Variants in AFG3L2 observed in about 807,000 individuals in gnomAD.
AFG3L2 encodes the protein AFG3 like matrix AAA peptidase subunit 2, also known as mitochondrial inner membrane m-AAA protease component AFG3L2.
In AFG3L2, 54 loss-of-function variants were observed where a neutral mutation model predicts 94.5. The ratio of observed to expected loss-of-function variants is 0.57; its 90% confidence interval spans 0.46 to 0.72. The LOEUF is 0.72. Among genes scored for constraint, AFG3L2 ranks in the 30% least tolerant of loss-of-function variants. AFG3L2 has a pLI of 0.00. For missense variants in AFG3L2, 754 were observed against 994.9 expected (o/e 0.76, Z 3.26); for synonymous variants, 377 against 365.5 (o/e 1.03, Z -0.36).
chr18:12,332,839 C>T (rs1443642863), intron 16 of AFG3L2, among the ~76,000 whole-genome samples: 1 of 98,716 alleles, frequency 1.0e-5, no homozygotes, highest in Non-Finnish European at 2.4e-5. Flanking sequence ...TGCTTATACA[C>T]ACACACACAC....
intron 15 of AFG3L2, among the ~76,000 whole-genome samples, chr18:12,338,936 TAA>T (rs1358567256): frequency 1.3e-5 from 2 of 152,096 alleles, no homozygotes; most frequent in Non-Finnish European, 2.9e-5. Context: ...CAGCCTGAAA[TAA>T]ACTTTAAATA....
At chr18:12,342,143 G>A (rs1907972684) in intron 14 of AFG3L2, 2 of 152,318 alleles carry the variant, frequency 1.3e-5, no homozygotes, top group South Asian at 2.1e-4. Flanking sequence ...TGGGATTACA[G>A]GCATGAGCCA....
At chr18:12,376,861 C>G in intron 1 of AFG3L2, 108 bp downstream of exon 1, 1 of 871,018 alleles carries the variant, frequency 1.1e-6, no homozygotes, top group Non-Finnish European at 1.6e-6. Context: ...CAGGGACGGC[C>G]CGCGTGCGGC....
chr18:12,344,178 T>C lies in AFG3L2; in HGVS notation c.1733A>G (p.His578Arg), dbSNP rs1908048276. ...CTCCAGATACCAGCCGGCAACCGCA[T>C]GGCCTGCTTCGTGGTATGCCACAGT... ...KKTVAYHEAG[H>R]AVAGWYLEHA... Residue 578 changes from histidine (H) to arginine (R), a missense_variant, in exon 14 of 17, where the codon CAT becomes CGT. His to Arg is a conservative substitution (Grantham distance 29, BLOSUM62 0). Coordinates refer to ENST00000269143, the MANE Select transcript of AFG3L2 (RefSeq NM_006796.3). 2 of 1,613,988 alleles carry C rather than the reference T, an allele frequency of 1.2e-6. No individual in the cohort carries two copies. The highest frequency in any genetic ancestry group is 1.7e-6 in the Non-Finnish European group (2 of 1,180,044).
rs773542472 is a variant in AFG3L2, at chr18:12,351,421, A to G, written c.1319-8T>C. On this transcript the variant is annotated splice_polypyrimidine_tract_variant and splice_region_variant and intron_variant, in intron 10 of 16. Transcript: ENST00000269143. ...TTGTTGTTGTATTAAAACCTGAAAG[A>G]TAACAAAAATGCAAACACTATTAAA... The G allele has an allele frequency of 2.6e-5, 42 of 1,613,106 alleles. No individual in the cohort carries two copies. The highest frequency in any genetic ancestry group is 7.7e-5 in the South Asian group (7 of 91,054).
intron 12 of AFG3L2, among the ~76,000 whole-genome samples, chr18:12,349,248 TAAA>T (rs137884984): frequency 0.014 from 2,179 of 152,186 alleles, 27 homozygotes; most frequent in Middle Eastern, 0.024. Context: ...ATGGCTGTAA[TAAA>T]AAGACAGTGA....
intron 16 of AFG3L2, among the ~76,000 whole-genome samples, chr18:12,330,348 T>C (rs1391141657): frequency 7.9e-6 from 1 of 126,834 alleles, no homozygotes; most frequent in African/African-American, 2.8e-5. Flanking sequence ...CAAAAAAAAA[T>C]AGGAGGAGGC....
At chr18:12,368,254 G>A (rs572842427) in intron 3 of AFG3L2, among the ~76,000 whole-genome samples, 8 of 152,192 alleles carry the variant, frequency 5.3e-5, no homozygotes, top group Non-Finnish European at 1.0e-4. Flanking sequence ...AGCTACACAG[G>A]AGGCTGAGGC....
chr18:12,328,953 A>C lies in AFG3L2; in HGVS notation c.*612T>G, dbSNP rs974112845. On this transcript the variant is annotated 3_prime_UTR_variant, in exon 17 of 17. Transcript: ENST00000269143. Reference sequence around the variant, plus strand: ...AAATAGGGACCCTATGTGTGTTCAGAAAAGTACAGTGTTGACATTTTATTT... The same window carrying C: ...AAATAGGGACCCTATGTGTGTTCAGCAAAGTACAGTGTTGACATTTTATTT... 7.3e-6 allele frequency: 4 copies of C among 545,356 alleles called. No individual in the cohort carries two copies. The highest frequency in any genetic ancestry group is 1.3e-5 in the Non-Finnish European group (4 of 306,892). The allele number at this position is 545,356 out of a possible 1,614,324, so 33.8% of individuals were successfully genotyped here. A position where few individuals can be genotyped will look rare whatever the true frequency, so the allele number is the denominator to read the frequency against.
At chr18:12,356,420 G>C (rs1372061680) in intron 9 of AFG3L2, among the ~76,000 whole-genome samples, 1 of 152,200 alleles carries the variant, frequency 6.6e-6, no homozygotes, top group Non-Finnish European at 1.5e-5. Context: ...CCAAAGTGCT[G>C]GAATTACAGG....
chr18:12,349,722 C>T (rs1050047703), intron 12 of AFG3L2, among the ~76,000 whole-genome samples: 4 of 151,952 alleles, frequency 2.6e-5, no homozygotes, highest in African/African-American at 4.8e-5. Flanking sequence ...AGTGCAATGG[C>T]GTGATCTCAG....
chr18:12,348,343 A>C lies in AFG3L2; in HGVS notation c.1593T>G (p.Ile531Met). 1 of 1,614,214 alleles carries C rather than the reference A, an allele frequency of 6.2e-7. No individual in the cohort carries two copies. Residue 531 changes from isoleucine (I) to methionine (M), a missense_variant, in exon 13 of 17, where the codon ATT becomes ATG. Coordinates refer to ENST00000269143, the MANE Select transcript of AFG3L2 (RefSeq NM_006796.3). ...VANVCNEAAL[I>M]AARHLSDSIN... Reference sequence around the variant, plus strand: ...TGGAATCTGACAGATGCCTTGCAGCAATCAACGCAGCTTCATTACAGACAT... The same window carrying C: ...TGGAATCTGACAGATGCCTTGCAGCCATCAACGCAGCTTCATTACAGACAT...
At chr18:12,363,135 G>A (rs1908710910) in intron 6 of AFG3L2, among the ~76,000 whole-genome samples, 1 of 152,102 alleles carries the variant, frequency 6.6e-6, no homozygotes, top group Admixed American at 6.5e-5. Context: ...GTCCTTAAAT[G>A]TTGCCCTGTC....
chr18:12,345,225 A>T (rs1480870155), intron 13 of AFG3L2, among the ~76,000 whole-genome samples: 1 of 152,060 alleles, frequency 6.6e-6, no homozygotes, highest in Non-Finnish European at 1.5e-5. Flanking sequence ...GGCCCACAAG[A>T]CCCGTGCTGC....
chr18:12,365,171 A>G (rs756023069), intron 5 of AFG3L2, among the ~76,000 whole-genome samples: 4 of 152,330 alleles, frequency 2.6e-5, no homozygotes, highest in Admixed American at 6.5e-5. Context: ...CTGTTCTTAA[A>G]GGCAGTCTCT....
rs76282984 is a variant in AFG3L2 at position 12,365,358 on chromosome 18, G to A, written c.553-1502C>T. On this transcript the variant is annotated intron_variant, in intron 5 of 16. Transcript: ENST00000269143. ...GCCCAGTCCACACGCAATGACCACT[G>A]CTTCTGAGCAGCTTCTGAGTGGGAG... 4.4e-3 allele frequency among the ~76,000 whole-genome samples: 671 copies of A among 152,290 alleles called. 9 individuals are homozygous for A. Among genetic ancestry groups the A allele is most frequent in the African/African-American group, 0.016 (647 of 41,566 alleles).
chr18:12,368,340 C>A (rs1908872980), intron 3 of AFG3L2, among the ~76,000 whole-genome samples: 1 of 152,080 alleles, frequency 6.6e-6, no homozygotes, highest in Admixed American at 6.6e-5. Context: ...GCCTGGGCAA[C>A]AGGAAGACCT....
chr18:12,377,028 G>GGCCGCGGGGCCAGCAGCC lies in AFG3L2; in HGVS notation c.37_54dup (p.Gly13_Gly18dup), dbSNP rs1568149486. 1.4e-6 allele frequency: 2 copies of GGCCGCGGGGCCAGCAGCC among 1,444,424 alleles called. No homozygotes were observed. The highest frequency in any genetic ancestry group is 1.8e-6 in the Non-Finnish European group (2 of 1,101,394). 89.5% of individuals were successfully genotyped at this position (1,444,424 alleles called of 1,614,324 possible). The stretch of plus-strand genomic sequence containing the variant: ...CCGCCAGGCACGAGGAGCTGCTGTA[G>GGCCGCGGGGCCAGCAGCC]GCCGCGGGGCCAGCAGCCGCCCCGG... On this transcript the variant is annotated inframe_insertion, in exon 1 of 17. Coordinates refer to ENST00000269143, the MANE Select transcript of AFG3L2 (RefSeq NM_006796.3).
Position 12,359,940 on chromosome 18 carries a change from C to T in AFG3L2, c.739G>A (p.Ala247Thr), listed in dbSNP as rs537688223. The part of the protein sequence containing the change: ...GENRVPVVYI[A>T]ESDGSFLLSM... ...ATTTGAGATTACCCATCACTTTCAGCAATGTAGACAACAGGCACCCGATTT... is the reference window on the plus strand; with the variant it reads ...ATTTGAGATTACCCATCACTTTCAGTAATGTAGACAACAGGCACCCGATTT... The change falls in exon 7 of 17, where the codon GCT becomes ACT. Residue 247 changes from alanine (A) to threonine (T), a missense_variant. By Grantham distance (58) the Ala-to-Thr change is moderately conservative. Around this residue, in one of 4 missense-constraint regions of AFG3L2, gnomAD observed 130 missense variants for 175.1 expected, o/e 0.74. Coordinates refer to ENST00000269143, the MANE Select transcript of AFG3L2 (RefSeq NM_006796.3). 17 of 1,613,638 alleles carry T rather than the reference C, an allele frequency of 1.1e-5. No homozygotes were observed. In the South Asian group the frequency reaches 1.9e-4, roughly 18 times the overall value.
Sources: gnomAD v4.1 joint callset for allele counts (sites outside exome capture counted in the v4.1 genomes callset) on GRCh38, gnomAD v4.1.1 for gene constraint, gnomAD v4.1.1 regional missense constraint, MANE v1.5 for transcripts, NCBI Gene and HGNC (gene_info 2026-07-23, HGNC 2026-07-21) for gene names.